RNF220: variants seen among roughly 807,000 people sequenced by gnomAD.
RNF220 encodes ring finger protein 220.
In RNF220, 7 loss-of-function variants were observed where a neutral mutation model predicts 67.1. That is an observed-to-expected ratio of 0.10 (90% CI 0.06 to 0.20). The LOEUF is 0.20. Among genes scored for constraint, RNF220 ranks in the 10% least tolerant of loss-of-function variants. The pLI, the probability that RNF220 is intolerant of heterozygous loss-of-function variation, is 1.00. For synonymous variants in RNF220, 270 were observed against 283.2 expected (o/e 0.95, Z 0.47); for missense variants, 565 against 740.3 (o/e 0.76, Z 2.75).
chr1:44,534,262 G>A (rs1661039842), intron 2 of RNF220, among the ~76,000 whole-genome samples: 2 of 151,882 alleles, frequency 1.3e-5, no homozygotes, highest in African/African-American at 2.4e-5. Flanking sequence ...TTACAGGTGT[G>A]AGCCATTGCA....
At chr1:44,521,659 G>A (rs764349289) in intron 2 of RNF220, among the ~76,000 whole-genome samples, 2 of 152,114 alleles carry the variant, frequency 1.3e-5, no homozygotes, top group Non-Finnish European at 2.9e-5. Flanking sequence ...CTCTGAAGAG[G>A]TCACATCTTC....
chr1:44,617,286 A>G (rs1193455860), intron 3 of RNF220, among the ~76,000 whole-genome samples: 1 of 151,902 alleles, frequency 6.6e-6, no homozygotes, highest in Admixed American at 6.5e-5. Flanking sequence ...GCGCGCTGAC[A>G]GTTGGACCGG....
At chr1:44,567,872 G>A (rs921802139) in intron 2 of RNF220, among the ~76,000 whole-genome samples, 2 of 152,082 alleles carry the variant, frequency 1.3e-5, no homozygotes, top group East Asian at 1.9e-4. Context: ...CTGAAAACCT[G>A]CCTGGGGAGC....
chr1:44,521,161 T>G (rs1165572144), intron 2 of RNF220, among the ~76,000 whole-genome samples: 2 of 152,238 alleles, frequency 1.3e-5, no homozygotes, highest in East Asian at 3.8e-4. Flanking sequence ...CCTCCCAAAG[T>G]GCTGGGATGA....
chr1:44,649,246 G>T lies in RNF220; in HGVS notation c.1446-415G>T. 4.3e-6 allele frequency: 1 copy of T among 232,966 alleles called. No individual in the cohort carries two copies. The highest frequency in any genetic ancestry group is 5.4e-5 in the South Asian group (1 of 18,540). The allele number at this position is 232,966 out of a possible 1,614,324, so 14.4% of individuals were successfully genotyped here. A position where few individuals can be genotyped will look rare whatever the true frequency, so the allele number is the denominator to read the frequency against. On this transcript the variant is annotated intron_variant, in intron 12 of 14. Coordinates refer to ENST00000361799, the MANE Select transcript of RNF220 (RefSeq NM_018150.4). The surrounding 1 kb of genome is among the most constrained non-coding windows in gnomAD (Gnocchi z 5.9). The stretch of plus-strand genomic sequence containing the variant: ...GAACATAAATTCCTCTAGGCGCTGG[G>T]AGAGTGGAATAGAGATGAGGGGCCT...
At chr1:44,473,496 CG>C (rs1355957989) in intron 2 of RNF220, among the ~76,000 whole-genome samples, 7 of 57,560 alleles carry the variant, frequency 1.2e-4, no homozygotes, top group Non-Finnish European at 2.0e-4. Flanking sequence ...ATGGCGGGGG[CG>C]GGGGGCGGGG....
At chr1:44,638,880 AAAGT>A (rs1169560291) in intron 8 of RNF220, among the ~76,000 whole-genome samples, 1 of 152,212 alleles carries the variant, frequency 6.6e-6, no homozygotes, top group African/African-American at 2.4e-5. Flanking sequence ...TTACTTCAAG[AAAGT>A]AAGTTGGAAG....
intron 2 of RNF220, among the ~76,000 whole-genome samples, chr1:44,602,501 T>C (rs943084889): frequency 1.3e-5 from 2 of 152,020 alleles, no homozygotes; most frequent in African/African-American, 4.8e-5. Flanking sequence ...TGGTCCTCTG[T>C]CCCAGAGGTC....
chr1:44,633,976 G>A (rs1328768341), intron 6 of RNF220, among the ~76,000 whole-genome samples: 2 of 152,266 alleles, frequency 1.3e-5, no homozygotes, highest in Non-Finnish European at 2.9e-5. Context: ...ACACAGTCAT[G>A]TCACCTATAG....
intron 2 of RNF220, among the ~76,000 whole-genome samples, chr1:44,439,887 A>G (rs1572507581): frequency 6.6e-6 from 1 of 152,236 alleles, no homozygotes; most frequent in Non-Finnish European, 1.5e-5. Flanking sequence ...AGTCGTTGAA[A>G]TAAAATGTGA....
At chr1:44,547,093 T>C (rs1300374158) in intron 2 of RNF220, among the ~76,000 whole-genome samples, 3 of 152,232 alleles carry the variant, frequency 2.0e-5, no homozygotes, top group Non-Finnish European at 4.4e-5. Context: ...CCTGGGAATC[T>C]GTGGACACGA....
chr1:44,445,298 A>G (rs1391363640), intron 2 of RNF220, among the ~76,000 whole-genome samples: 1 of 152,118 alleles, frequency 6.6e-6, no homozygotes, highest in Non-Finnish European at 1.5e-5. Context: ...ATTCTAACTG[A>G]TCTCTGTATC....
intron 2 of RNF220, 147 bp from the exon 3 acceptor site, chr1:44,614,018 T>A (rs1009705255): frequency 7.5e-6 from 7 of 928,548 alleles, no homozygotes; most frequent in Non-Finnish European, 1.1e-5. Context: ...GGAGGGGTGC[T>A]CGTGGGCTCT....
At chr1:44,563,178 G>T (rs1261244533) in intron 2 of RNF220, among the ~76,000 whole-genome samples, 1 of 152,232 alleles carries the variant, frequency 6.6e-6, no homozygotes, top group East Asian at 1.9e-4. Flanking sequence ...GAGGATTTGT[G>T]TGAGCTGGGC....
chr1:44,646,287 C>T (rs140500485), intron 12 of RNF220, among the ~76,000 whole-genome samples: 199 of 152,372 alleles, frequency 1.3e-3, no homozygotes, highest in Non-Finnish European at 1.7e-3. Flanking sequence ...GGGTCGGTGG[C>T]CCAGGGTCAC....
At chr1:44,513,838 C>G (rs1160026777) in intron 2 of RNF220, among the ~76,000 whole-genome samples, 1 of 152,188 alleles carries the variant, frequency 6.6e-6, no homozygotes, top group African/African-American at 2.4e-5. Flanking sequence ...GCAGCTGTCT[C>G]CCCAGGTATA....
At chr1:44,531,131 C>T (rs1660799515) in intron 2 of RNF220, among the ~76,000 whole-genome samples, 2 of 152,236 alleles carry the variant, frequency 1.3e-5, no homozygotes, top group African/African-American at 4.8e-5. Flanking sequence ...TGATCCAAAC[C>T]CTTTTAAAAC....
chr1:44,621,464 C>G lies in RNF220; in HGVS notation c.759-1278C>G. The stretch of plus-strand genomic sequence containing the variant: ...GGTACACTGTAGGCTGTTTAACATC[C>G]TCTACCTACTCCATGCCAGTAGCAA... On this transcript the variant is annotated intron_variant, in intron 3 of 14. Coordinates refer to ENST00000361799, the MANE Select transcript of RNF220 (RefSeq NM_018150.4). This position sits in a 1 kb window ranked among gnomAD's most constrained non-coding sequence, Gnocchi z 4.8. Among the ~76,000 whole-genome samples, 1 of 152,158 alleles carries G rather than the reference C, an allele frequency of 6.6e-6. No homozygotes were observed. Among genetic ancestry groups the G allele is most frequent in the Non-Finnish European group, 1.5e-5 (1 of 68,028 alleles).
chr1:44,485,284 C>G (rs887805244), intron 2 of RNF220, among the ~76,000 whole-genome samples: 4 of 152,186 alleles, frequency 2.6e-5, no homozygotes, highest in Non-Finnish European at 5.9e-5. Context: ...CTCCCTCCCC[C>G]CAATCTCCTG....
Sources: allele counts gnomAD v4.1 joint callset (sites outside exome capture counted in the v4.1 genomes callset), GRCh38; gene constraint gnomAD v4.1.1; non-coding constraint Gnocchi (gnomAD v3.1); transcripts MANE v1.5; gene names NCBI Gene and HGNC (gene_info 2026-07-23, HGNC 2026-07-21).